DDX60: variants seen among roughly 807,000 people sequenced by gnomAD.
DDX60 encodes the protein DExD/H-box helicase 60, also known as probable ATP-dependent RNA helicase DDX60.
DDX60 carries 165 observed loss-of-function variants against 212.8 expected under a neutral mutation model. The observed-to-expected ratio is 0.78, with a 90% CI of 0.68 to 0.88. The LOEUF (loss-of-function observed/expected upper bound fraction) is 0.88. Ranked by LOEUF, DDX60 falls within the 40% of genes least tolerant of loss-of-function variation. The pLI is 0.00. For missense variants in DDX60, 1,905 were observed against 2,003.9 expected (o/e 0.95, Z 0.94); for synonymous variants, 703 against 685.3 (o/e 1.03, Z -0.40).
chr4:168,220,330 G>A (rs1389367298), intron 37 of DDX60, among the ~76,000 whole-genome samples: 2 of 152,276 alleles, frequency 1.3e-5, no homozygotes, highest in Middle Eastern at 3.4e-3. Flanking sequence ...GACATACACT[G>A]CTTGTGGCAA....
intron 19 of DDX60, among the ~76,000 whole-genome samples, chr4:168,270,265 T>A (rs1737687352): frequency 1.3e-5 from 2 of 152,224 alleles, no homozygotes; most frequent in Non-Finnish European, 2.9e-5. Context: ...GAGTCTCAAA[T>A]GTGGTCTTCA....
At chr4:168,217,445 T>A (rs1010371871) in intron 37 of DDX60, among the ~76,000 whole-genome samples, 4 of 152,180 alleles carry the variant, frequency 2.6e-5, no homozygotes, top group African/African-American at 7.2e-5. Context: ...AAAATATTGC[T>A]TTCTTTACCT....
At chr4:168,235,639 G>T (rs187733002) in intron 33 of DDX60, among the ~76,000 whole-genome samples, 1 of 151,948 alleles carries the variant, frequency 6.6e-6, no homozygotes, top group Non-Finnish European at 1.5e-5. Context: ...TTTCACTAAG[G>T]TTATCTTGTA....
intron 14 of DDX60, among the ~76,000 whole-genome samples, chr4:168,279,265 CT>C (rs1458776278): frequency 6.6e-6 from 1 of 152,168 alleles, no homozygotes; most frequent in Non-Finnish European, 1.5e-5. Context: ...TGAAAAAATA[CT>C]TGAAAGAGGA....
At chr4:168,309,844 T>C (rs1045803648) in intron 3 of DDX60, among the ~76,000 whole-genome samples, 6 of 152,090 alleles carry the variant, frequency 3.9e-5, no homozygotes, top group African/African-American at 1.4e-4. Context: ...ATAATATTTA[T>C]TAGTACAAAA....
rs573818888 is a variant in DDX60 at position 168,255,573 on chromosome 4, C to T, written c.3557+138G>A. On this transcript the variant is annotated intron_variant, in intron 26 of 37. Transcript: ENST00000393743. ...ACTCATCTTTATCCCATTCTCTCAC[C>T]CAAATGTACTCAATTTAGAAATAAG... The T allele has an allele frequency of 7.2e-5, 48 of 667,696 alleles. No homozygotes were observed. In the African/African-American group the frequency reaches 8.5e-4, roughly 12 times the overall value. The allele number at this position is 667,696 out of a possible 1,614,324, so 41.4% of individuals were successfully genotyped here.
At chr4:168,324,615 A>T in the DDX60 span, among the ~76,000 whole-genome samples, 8 of 152,234 alleles carry the variant, frequency 5.3e-5, no homozygotes, top group African/African-American at 1.9e-4. Context: ...GATGTTAGAA[A>T]GGGACAGTTA....
intron 30 of DDX60, among the ~76,000 whole-genome samples, chr4:168,238,644 T>TA (rs1322823529): frequency 2.0e-5 from 3 of 152,080 alleles, no homozygotes; most frequent in African/African-American, 7.2e-5. Context: ...TTCGCTCTCA[T>TA]ATGCCACATA....
intron 20 of DDX60, 37 bp downstream of exon 20, chr4:168,268,817 G>A: frequency 8.6e-7 from 1 of 1,156,978 alleles, no homozygotes; most frequent in Non-Finnish European, 1.2e-6. Context: ...ATTCAAAATA[G>A]ATAAACACTC....
chr4:168,282,019 C>T (rs553101226), intron 13 of DDX60, among the ~76,000 whole-genome samples: 1 of 151,950 alleles, frequency 6.6e-6, no homozygotes, highest in East Asian at 1.9e-4. Context: ...ACAACAACAA[C>T]AAAAAAACTG....
chr4:168,260,541 A>T (rs939743540), intron 25 of DDX60, among the ~76,000 whole-genome samples: 2 of 152,114 alleles, frequency 1.3e-5, no homozygotes, highest in South Asian at 4.1e-4. Context: ...GCGGTGGGGA[A>T]GTGGTGCACA....
At chr4:168,253,055 G>A (rs1053142937) in intron 26 of DDX60, among the ~76,000 whole-genome samples, 7 of 152,002 alleles carry the variant, frequency 4.6e-5, no homozygotes, top group African/African-American at 7.3e-5. Flanking sequence ...CACCTGCCTC[G>A]GCCTCCCAAA....
At chr4:168,263,040 G>A (rs1056547237) in intron 22 of DDX60, among the ~76,000 whole-genome samples, 1 of 152,118 alleles carries the variant, frequency 6.6e-6, no homozygotes, top group African/African-American at 2.4e-5. Context: ...AATTTTCTAT[G>A]AACTGACTTC....
rs371453607 is a variant in DDX60 at position 168,270,899 on chromosome 4, A to G, written c.2670+1144T>C. ...TCTTTTTTTTTTTTTTTTTTTGGAGATGGAGTTTCGCTCTGGTACCCAGGC... is the reference window on the plus strand; with the variant it reads ...TCTTTTTTTTTTTTTTTTTTTGGAGGTGGAGTTTCGCTCTGGTACCCAGGC... On this transcript the variant is annotated intron_variant, in intron 19 of 37. Transcript: ENST00000393743. Among the ~76,000 whole-genome samples the G allele has an allele frequency of 1.3e-4, 13 of 98,508 alleles. 1 individual carries two copies. The highest frequency in any genetic ancestry group is 4.1e-4 in the African/African-American group (10 of 24,382). 64.6% of individuals were successfully genotyped at this position (98,508 alleles called of 152,430 possible).
chr4:168,243,428 C>G (rs1237892908), intron 30 of DDX60, among the ~76,000 whole-genome samples: 1 of 151,842 alleles, frequency 6.6e-6, no homozygotes, highest in African/African-American at 2.4e-5. Context: ...AACAAACAAC[C>G]CATTAAATAG....
Position 168,237,302 on chromosome 4 carries a change from A to G in DDX60, c.4395T>C (p.Cys1465=). ...CAAGCTTACCTTTCCTGGTTGGCTG[A>G]CAGAGATCATGGAAGAGTCCATTTA... ...FLVNGLFHDL[C]QPTRKGSKHF... The change falls in exon 32 of 38, where the codon TGT becomes TGC. Residue 1465 remains cysteine (C), a synonymous_variant. Transcript: ENST00000393743. 1 of 1,560,052 alleles carries G rather than the reference A, an allele frequency of 6.4e-7. No individual in the cohort carries two copies. Among genetic ancestry groups the G allele is most frequent in the Non-Finnish European group, 8.7e-7 (1 of 1,153,730 alleles).
At chr4:168,232,174 T>C (rs776292746) in intron 33 of DDX60, among the ~76,000 whole-genome samples, 1 of 151,984 alleles carries the variant, frequency 6.6e-6, no homozygotes, top group Non-Finnish European at 1.5e-5. Context: ...GTGAAAGACC[T>C]CTGCAAGGAA....
intron 1 of DDX60, among the ~76,000 whole-genome samples, chr4:168,314,264 T>C (rs916789283): frequency 2.6e-5 from 4 of 152,010 alleles, no homozygotes; most frequent in African/African-American, 7.2e-5. Context: ...TTCTCTGTCA[T>C]TTAAGGGAGA....
rs1737514349 is a variant in DDX60, at chr4:168,318,638, G to A, written c.-123C>T. The A allele has an allele frequency of 6.6e-6, 1 of 152,582 alleles. No individual in the cohort carries two copies. The highest frequency in any genetic ancestry group is 1.9e-4 in the East Asian group (1 of 5,190). 9.5% of individuals were successfully genotyped at this position (152,582 alleles called of 1,614,324 possible). A position where few individuals can be genotyped will look rare whatever the true frequency, so the allele number is the denominator to read the frequency against. On this transcript the variant is annotated 5_prime_UTR_variant, in exon 1 of 38. Coordinates refer to ENST00000393743, the MANE Select transcript of DDX60 (RefSeq NM_017631.6). ...GCTCCTCACCGCGGACTCAGGACCG[G>A]TGGTGTCCAAAGACCCGCGAGCTGC...
Sources: gnomAD v4.1 joint callset for allele counts (sites outside exome capture counted in the v4.1 genomes callset) on GRCh38, gnomAD v4.1.1 for gene constraint, MANE v1.5 for transcripts, NCBI Gene and HGNC (gene_info 2026-07-23, HGNC 2026-07-21) for gene names.